Variants in PCSK5 observed in about 807,000 individuals in gnomAD.
PCSK5 encodes the protein proprotein convertase subtilisin/kexin type 5.
A neutral mutation model predicts 233.2 loss-of-function variants in PCSK5; 129 were observed. That is an observed-to-expected ratio of 0.55 (90% CI 0.48 to 0.64). The LOEUF is 0.64. Among genes scored for constraint, PCSK5 ranks in the 30% least tolerant of loss-of-function variants. The pLI is 0.00. For missense variants in PCSK5, 2,076 were observed against 2,430.1 expected (o/e 0.85, Z 3.06); for synonymous variants, 825 against 879.2 (o/e 0.94, Z 1.09).
chr9:76,259,853 A>C (rs1353342), intron 24 of PCSK5, among the ~76,000 whole-genome samples: 120,310 of 151,936 alleles, frequency 0.79, 49,172 homozygotes, highest in East Asian at 0.91. Flanking sequence ...GTTTCAACCC[A>C]GTCTATGGGT....
At chr9:75,947,926 C>T (rs900020559) in intron 2 of PCSK5, among the ~76,000 whole-genome samples, 1 of 152,180 alleles carries the variant, frequency 6.6e-6, no homozygotes, top group African/African-American at 2.4e-5. Context: ...ACTCTGGCCT[C>T]AAACTCCTGG....
intron 5 of PCSK5, among the ~76,000 whole-genome samples, chr9:76,052,857 G>A (rs1410420619): frequency 6.6e-6 from 1 of 152,182 alleles, no homozygotes; most frequent in Non-Finnish European, 1.5e-5. Flanking sequence ...ATGGGGTACA[G>A]GCATGGGTAA....
chr9:76,188,070 C>G (rs1587734421), intron 17 of PCSK5, among the ~76,000 whole-genome samples: 1 of 152,292 alleles, frequency 6.6e-6, no homozygotes, highest in East Asian at 1.9e-4. Flanking sequence ...AGAATGGCTA[C>G]TCCGGAGAAT....
At chr9:75,891,489 A>AGGGCAAC in intron 1 of PCSK5, 116 bp downstream of exon 1, 5 of 831,860 alleles carry the variant, frequency 6.0e-6, no homozygotes, top group Non-Finnish European at 7.4e-6. Context: ...CTGTTGCCCT[A>AGGGCAAC]ACTCTTGGGC....
chr9:76,077,269 C>G (rs1266193720), intron 7 of PCSK5, among the ~76,000 whole-genome samples: 3 of 152,096 alleles, frequency 2.0e-5, no homozygotes, highest in Non-Finnish European at 4.4e-5. Context: ...TGGACCTTAC[C>G]CCATGTCACC....
intron 7 of PCSK5, among the ~76,000 whole-genome samples, chr9:76,095,557 G>A (rs912745262): frequency 1.3e-5 from 2 of 152,098 alleles, no homozygotes; most frequent in Admixed American, 6.6e-5. Flanking sequence ...TGTACCTCAA[G>A]TTTCTCCACA....
intron 9 of PCSK5, among the ~76,000 whole-genome samples, chr9:76,111,171 C>T (rs756725017): frequency 6.6e-6 from 1 of 152,114 alleles, no homozygotes; most frequent in Non-Finnish European, 1.5e-5. Flanking sequence ...GCTAGTACGA[C>T]TCCCAGGCCA....
intron 3 of PCSK5, among the ~76,000 whole-genome samples, chr9:76,022,430 G>A (rs905593578): frequency 1.3e-5 from 2 of 152,152 alleles, no homozygotes; most frequent in Admixed American, 6.5e-5. Context: ...TTCCATTCCC[G>A]ATATGCTGAA....
intron 14 of PCSK5, among the ~76,000 whole-genome samples, chr9:76,179,028 G>T (rs1455682272): frequency 6.6e-6 from 1 of 151,932 alleles, no homozygotes; most frequent in African/African-American, 2.4e-5. Flanking sequence ...TTGCCCATTG[G>T]CCTTTGTGTA....
intron 9 of PCSK5, among the ~76,000 whole-genome samples, chr9:76,116,168 A>G (rs965947768): frequency 6.6e-6 from 1 of 152,104 alleles, no homozygotes; most frequent in African/African-American, 2.4e-5. Context: ...GTAAGATTTT[A>G]TTCATCCTGA....
chr9:75,932,580 A>G, intron 2 of PCSK5, 97 bp downstream of exon 2: 1 of 745,108 alleles, frequency 1.3e-6, no homozygotes, highest in Non-Finnish European at 2.4e-6. Flanking sequence ...ATGAAGGCTC[A>G]GATTTCTAGA....
chr9:76,227,489 A>G lies in PCSK5; in HGVS notation c.2627-14A>G. 1.9e-6 allele frequency: 3 copies of G among 1,584,774 alleles called. No individual in the cohort carries two copies. Among genetic ancestry groups the G allele is most frequent in the Non-Finnish European group, 2.6e-6 (3 of 1,156,804 alleles). ...ATGTAGAAATGAAATAAACAACTAG[A>G]TTTTGTTCCCCAGGAGAATATGTTG... On this transcript the variant is annotated splice_polypyrimidine_tract_variant and intron_variant, in intron 20 of 37. Transcript: ENST00000674117.
At chr9:76,294,927 C>T (rs1434790936) in intron 25 of PCSK5, among the ~76,000 whole-genome samples, 2 of 151,986 alleles carry the variant, frequency 1.3e-5, no homozygotes, top group Non-Finnish European at 2.9e-5. Context: ...CAGAGGTGGG[C>T]AGATCCCCTG....
At chr9:76,163,444 G>C (rs1177884362) in intron 12 of PCSK5, among the ~76,000 whole-genome samples, 1 of 152,222 alleles carries the variant, frequency 6.6e-6, no homozygotes, top group African/African-American at 2.4e-5. Context: ...TCCAGCTTGA[G>C]CTCTGTGCCC....
intron 20 of PCSK5, among the ~76,000 whole-genome samples, chr9:76,198,479 G>A (rs1361519089): frequency 3.9e-5 from 6 of 152,134 alleles, no homozygotes; most frequent in Non-Finnish European, 7.3e-5. Flanking sequence ...TTCATTTTCT[G>A]ATGCAAGAGG....
intron 1 of PCSK5, among the ~76,000 whole-genome samples, chr9:75,908,681 A>G (rs974983827): frequency 6.6e-6 from 1 of 152,138 alleles, no homozygotes; most frequent in Non-Finnish European, 1.5e-5. Context: ...AGATCTCACT[A>G]TGTTCTACAA....
intron 27 of PCSK5, among the ~76,000 whole-genome samples, chr9:76,300,698 A>G (rs966367693): frequency 5.9e-5 from 9 of 152,222 alleles, no homozygotes; most frequent in Non-Finnish European, 8.8e-5. Flanking sequence ...AGGGCACAGC[A>G]CACATGAATT....
intron 2 of PCSK5, among the ~76,000 whole-genome samples, chr9:75,982,384 T>A (rs1214402537): frequency 2.0e-5 from 3 of 152,210 alleles, no homozygotes; most frequent in Non-Finnish European, 2.9e-5. Flanking sequence ...TGTTTAATTA[T>A]CCTCCATAGA....
chr9:76,136,458 G>C (rs1822982264), intron 10 of PCSK5, among the ~76,000 whole-genome samples: 1 of 151,994 alleles, frequency 6.6e-6, no homozygotes, highest in Non-Finnish European at 1.5e-5. Flanking sequence ...AGCTCAACAA[G>C]GGCTTGTATT....
Sources: gnomAD v4.1 joint callset for allele counts (sites outside exome capture counted in the v4.1 genomes callset) on GRCh38, gnomAD v4.1.1 for gene constraint, MANE v1.5 for transcripts, NCBI Gene and HGNC (gene_info 2026-07-23, HGNC 2026-07-21) for gene names.